Variants in CUL1 observed in about 807,000 individuals in gnomAD.
CUL1 encodes the protein cullin-1.
CUL1 carries 24 observed loss-of-function variants against 118.0 expected under a neutral mutation model. The ratio of observed to expected loss-of-function variants is 0.20; its 90% CI spans 0.15 to 0.29. The LOEUF (loss-of-function observed/expected upper bound fraction) is 0.29. Ranked by LOEUF, CUL1 falls within the 10% of genes least tolerant of loss-of-function variation. The probability of loss-of-function intolerance (pLI) is 1.00; values close to 1 mark genes in which losing one functional copy is unlikely to be tolerated. For synonymous variants in CUL1, 332 were observed against 340.4 expected (o/e 0.98, Z 0.27); for missense variants, 361 against 933.8 (o/e 0.39, Z 7.99).
intron 1 of CUL1, among the ~76,000 whole-genome samples, chr7:148,707,788 A>G (rs1398724604): frequency 6.6e-6 from 1 of 152,342 alleles, no homozygotes; most frequent in East Asian, 1.9e-4. Flanking sequence ...GGGTTTTAAA[A>G]GCATCTCAAT....
At chr7:148,733,016 T>C (rs547217188) in intron 2 of CUL1, among the ~76,000 whole-genome samples, 1 of 152,288 alleles carries the variant, frequency 6.6e-6, no homozygotes, top group East Asian at 1.9e-4. Context: ...TTAAGCCTTA[T>C]CTCACCGCGG....
chr7:148,791,894 A>G (rs927705802), intron 16 of CUL1, among the ~76,000 whole-genome samples: 7 of 152,252 alleles, frequency 4.6e-5, no homozygotes, highest in African/African-American at 1.7e-4. Context: ...CCTGTCTTTT[A>G]GAAGATACTT....
chr7:148,754,981 T>A (rs902425783), intron 3 of CUL1, among the ~76,000 whole-genome samples: 2 of 152,196 alleles, frequency 1.3e-5, no homozygotes, highest in African/African-American at 4.8e-5. Context: ...CTCCAACTCC[T>A]GGGCTCAAGC....
At chr7:148,723,116 A>G (rs144576052) in intron 1 of CUL1, among the ~76,000 whole-genome samples, 9 of 152,388 alleles carry the variant, frequency 5.9e-5, no homozygotes, top group African/African-American at 2.2e-4. Flanking sequence ...AAGGTCACAC[A>G]GTTTTACGCA....
chr7:148,720,551 T>C (rs1798366082), intron 1 of CUL1, among the ~76,000 whole-genome samples: 1 of 152,098 alleles, frequency 6.6e-6, no homozygotes, highest in Admixed American at 6.5e-5. Flanking sequence ...AAAGTGAGAT[T>C]GCACGCAACA....
intron 9 of CUL1, among the ~76,000 whole-genome samples, chr7:148,779,340 C>T (rs574724542): frequency 6.6e-6 from 1 of 152,110 alleles, no homozygotes; most frequent in Non-Finnish European, 1.5e-5. Flanking sequence ...TGAGATGTAC[C>T]CAGCAAGGAA....
At chr7:148,768,711 G>A (rs1800097388) in intron 9 of CUL1, among the ~76,000 whole-genome samples, 1 of 151,820 alleles carries the variant, frequency 6.6e-6, no homozygotes, top group African/African-American at 2.4e-5. Flanking sequence ...AAAACACATT[G>A]GTTCTTACAT....
intron 1 of CUL1, among the ~76,000 whole-genome samples, chr7:148,706,513 A>G (rs1797888516): frequency 6.6e-6 from 1 of 152,192 alleles, no homozygotes; most frequent in Admixed American, 6.5e-5. Flanking sequence ...CTACTTGGGC[A>G]TCTGTGTAGA....
At chr7:148,738,795 C>T (rs1486175245) in intron 2 of CUL1, among the ~76,000 whole-genome samples, 1 of 152,170 alleles carries the variant, frequency 6.6e-6, no homozygotes, top group Non-Finnish European at 1.5e-5. Flanking sequence ...AACTTGTCCT[C>T]ATACTGTTTT....
At chr7:148,716,615 C>A (rs1798221703) in intron 1 of CUL1, among the ~76,000 whole-genome samples, 2 of 152,204 alleles carry the variant, frequency 1.3e-5, no homozygotes, top group South Asian at 4.1e-4. Flanking sequence ...AGTTTAGCCT[C>A]CCAATTTTTC....
intron 2 of CUL1, among the ~76,000 whole-genome samples, chr7:148,752,932 G>A (rs184123358): frequency 1.1e-3 from 169 of 152,366 alleles, no homozygotes; most frequent in African/African-American, 3.9e-3. Flanking sequence ...GATTACAGGC[G>A]CGAGCCACCG....
chr7:148,726,080 G>A (rs1012134121), intron 1 of CUL1, among the ~76,000 whole-genome samples: 7 of 152,316 alleles, frequency 4.6e-5, no homozygotes, highest in South Asian at 2.1e-4. Context: ...AAAGTGTACA[G>A]CAAGTAAACT....
At chr7:148,717,231 A>G (rs1438739258) in intron 1 of CUL1, among the ~76,000 whole-genome samples, 3 of 151,780 alleles carry the variant, frequency 2.0e-5, no homozygotes, top group Non-Finnish European at 4.4e-5. Context: ...TAATTTTTAT[A>G]TTTTTAGTAG....
intron 1 of CUL1, among the ~76,000 whole-genome samples, chr7:148,724,905 G>A (rs1407979519): frequency 6.6e-6 from 1 of 152,014 alleles, no homozygotes; most frequent in Non-Finnish European, 1.5e-5. Context: ...AGGTTTTCTA[G>A]CTATGAGACA....
At chr7:148,721,656 C>T (rs898399161) in intron 1 of CUL1, among the ~76,000 whole-genome samples, 17 of 152,124 alleles carry the variant, frequency 1.1e-4, no homozygotes, top group African/African-American at 2.4e-4. Flanking sequence ...CCTCTCCCTT[C>T]GTAGAAGTAC....
rs1584801715 is a variant in CUL1, at chr7:148,767,627, C to T, written c.961C>T (p.Arg321Cys). 5 of 1,613,088 alleles carry T rather than the reference C, an allele frequency of 3.1e-6. No homozygotes were observed. The highest frequency in any genetic ancestry group is 2.2e-5 in the East Asian group (1 of 44,810). The change falls in exon 9 of 22, where the codon CGC becomes TGC. Residue 321 changes from arginine to cysteine, a missense_variant. Coordinates refer to ENST00000325222, the MANE Select transcript of CUL1 (RefSeq NM_003592.3). ...GTTTCTTCCTCTTTCAGATTTGGGA[C>T]GCATGTATAATCTTGTATCTAGAAT... The part of the protein sequence containing the change: ...LDADKNEDLG[R>C]MYNLVSRIQD...
intron 9 of CUL1, among the ~76,000 whole-genome samples, chr7:148,768,979 G>A (rs1800109212): frequency 6.6e-6 from 1 of 151,846 alleles, no homozygotes; most frequent in Non-Finnish European, 1.5e-5. Context: ...GCTCAGCCGT[G>A]GATTTTATGA....
chr7:148,787,068 A>G lies in CUL1; in HGVS notation c.1427A>G (p.His476Arg). The G allele has an allele frequency of 6.2e-7, 1 of 1,613,872 alleles. No individual in the cohort carries two copies. The highest frequency in any genetic ancestry group is 8.5e-7 in the Non-Finnish European group (1 of 1,179,848). ...YAKMLAKRLV[H>R]QNSASDDAEA... ...AAGATGCTCGCCAAGAGGCTCGTCC[A>G]CCAGAACAGTGCAAGTGACGATGCC... Residue 476 changes from histidine to arginine, a missense_variant, in exon 13 of 22, where the codon CAC (histidine) becomes CGC (arginine). This residue lies in a region of CUL1 where 169 missense variants were observed against 429.7 expected (regional missense o/e 0.39). Transcript: ENST00000325222. The surrounding 1 kb of genome is among the most constrained non-coding windows in gnomAD (Gnocchi z 5.5).
rs958707504 is a variant in CUL1, at chr7:148,788,461, AAGTAT to A, written c.1480-94_1480-90del. 76 of 741,650 alleles carry A rather than the reference AAGTAT, an allele frequency of 1.0e-4. No individual in the cohort carries two copies. The African/African-American group carries it at 1.3e-3, about 13-fold the overall frequency. 45.9% of individuals were successfully genotyped at this position (741,650 alleles called of 1,614,324 possible). A position where few individuals can be genotyped will look rare whatever the true frequency, so the allele number is the denominator to read the frequency against. On this transcript the variant is annotated intron_variant, in intron 13 of 21. Coordinates refer to ENST00000325222, the MANE Select transcript of CUL1 (RefSeq NM_003592.3). ...GCTTTGCTAGTAGTTCCATATAATT[AAGTAT>A]ATATTGTATACTCTGATTTCTCTAA...
Sources: gnomAD v4.1 joint callset for allele counts (sites outside exome capture counted in the v4.1 genomes callset) on GRCh38, gnomAD v4.1.1 for gene constraint, gnomAD v4.1.1 regional missense constraint, Gnocchi (gnomAD v3.1) non-coding constraint, MANE v1.5 for transcripts, NCBI Gene and HGNC (gene_info 2026-07-23, HGNC 2026-07-21) for gene names.